NRG3: variants seen among roughly 807,000 people sequenced by gnomAD.
The protein encoded by NRG3 is neuregulin 3.
Under a neutral mutation model 66.9 loss-of-function variants are expected in NRG3, and 31 were observed. The observed-to-expected ratio is 0.46, with a 90% CI of 0.35 to 0.63. NRG3 has a LOEUF of 0.63. Ranked by LOEUF, NRG3 falls within the 20% of genes least tolerant of loss-of-function variation. The pLI is 0.00. For synonymous variants in NRG3, 393 were observed against 359.4 expected, an observed-to-expected ratio of 1.09 and a Z score of -1.06; for missense variants, 910 against 878.9, an observed-to-expected ratio of 1.04 and a Z score of -0.45.
At chr10:82,166,909 A>G (rs970162419) in intron 1 of NRG3, 10 of 530,498 alleles carry the variant, frequency 1.9e-5, no homozygotes, top group Admixed American at 1.1e-4. Flanking sequence ...CCTCCTTGGT[A>G]TTTTAAAGAT....
At chr10:82,215,018 T>G (rs1310240676) in intron 1 of NRG3, among the ~76,000 whole-genome samples, 10 of 152,210 alleles carry the variant, frequency 6.6e-5, no homozygotes, top group Admixed American at 6.6e-4. Flanking sequence ...TACTCATATC[T>G]AAAGAAATCC....
At chr10:82,679,968 T>C (rs963660505) in intron 2 of NRG3, among the ~76,000 whole-genome samples, 2 of 152,250 alleles carry the variant, frequency 1.3e-5, no homozygotes, top group Non-Finnish European at 2.9e-5. Flanking sequence ...TATTTTGATA[T>C]GATCATATAG....
At chr10:82,701,167 A>G (rs1591230055) in intron 2 of NRG3, among the ~76,000 whole-genome samples, 1 of 152,264 alleles carries the variant, frequency 6.6e-6, no homozygotes, top group South Asian at 2.1e-4. Flanking sequence ...ACCACTAGAA[A>G]GCAAGCTAGT....
At chr10:82,314,985 T>G (rs773053833) in intron 1 of NRG3, among the ~76,000 whole-genome samples, 2 of 152,150 alleles carry the variant, frequency 1.3e-5, no homozygotes, top group African/African-American at 4.8e-5. Flanking sequence ...TTTGACAATC[T>G]CTAGCTGAAT....
chr10:81,925,591 CT>C (rs1231301330), intron 1 of NRG3, among the ~76,000 whole-genome samples: 1 of 152,062 alleles, frequency 6.6e-6, no homozygotes, highest in Non-Finnish European at 1.5e-5. Flanking sequence ...TAGGGAAATA[CT>C]TTCTTTTGTC....
intron 2 of NRG3, among the ~76,000 whole-genome samples, chr10:82,668,818 A>C (rs935986999): frequency 6.6e-6 from 1 of 152,118 alleles, no homozygotes; most frequent in African/African-American, 2.4e-5. Flanking sequence ...TCACAAGTAG[A>C]AGGAAACGAG....
chr10:82,977,701 T>G (rs1247163530), intron 7 of NRG3, among the ~76,000 whole-genome samples: 1 of 151,974 alleles, frequency 6.6e-6, no homozygotes, highest in African/African-American at 2.4e-5. Flanking sequence ...TAATGTTGGC[T>G]TGAGGAATAT....
intron 1 of NRG3, among the ~76,000 whole-genome samples, chr10:82,286,881 C>T (rs1435668699): frequency 6.6e-6 from 1 of 152,152 alleles, no homozygotes; most frequent in Non-Finnish European, 1.5e-5. Context: ...CCACCGTGCC[C>T]AGTTAGATAT....
At chr10:82,337,525 G>T (rs1564809495) in intron 1 of NRG3, among the ~76,000 whole-genome samples, 3 of 152,130 alleles carry the variant, frequency 2.0e-5, no homozygotes, top group Admixed American at 6.5e-5. Context: ...GGAATTGCTT[G>T]GTCATATGGT....
At chr10:82,484,490 G>A (rs530705702) in intron 2 of NRG3, among the ~76,000 whole-genome samples, 396 of 152,292 alleles carry the variant, frequency 2.6e-3, no homozygotes, top group African/African-American at 8.9e-3. Flanking sequence ...TGTCATTACT[G>A]TTATTGTTTT....
Position 82,843,172 on chromosome 10 carries a change from T to C in NRG3, c.1028-22239T>C, listed in dbSNP as rs374903209. The C allele has an allele frequency of 1.6e-5, 7 of 425,222 alleles. No individual in the cohort carries two copies. The East Asian group carries it at 5.0e-4, about 30-fold the overall frequency. 26.3% of individuals were successfully genotyped at this position (425,222 alleles called of 1,614,324 possible). On this transcript the variant is annotated intron_variant, in intron 3 of 8. Coordinates refer to ENST00000372141, the MANE Select transcript of NRG3 (RefSeq NM_001010848.4). ...CTTATTGCATTAGTAATTGCTATGA[T>C]TTGAATGTTTGTCCCCTCCACAACT...
chr10:82,204,801 A>G (rs536044347), intron 1 of NRG3, among the ~76,000 whole-genome samples: 6 of 152,326 alleles, frequency 3.9e-5, no homozygotes, highest in Admixed American at 1.3e-4. Context: ...TTCTCAAAAC[A>G]GTGAAGTGGC....
intron 1 of NRG3, among the ~76,000 whole-genome samples, chr10:82,020,153 GTTTA>G (rs2061995127): frequency 6.6e-6 from 1 of 152,044 alleles, no homozygotes. Flanking sequence ...AAAATGCCAG[GTTTA>G]TAGGAAAAAG....
chr10:82,891,773 G>T lies in NRG3; in HGVS notation c.1054+26336G>T, dbSNP rs557935970. On this transcript the variant is annotated intron_variant, in intron 4 of 8. Transcript: ENST00000372141. ...TTTAAATATTTTATTTTTTCTTAAT[G>T]TCTCTCTGTCTGGGTAGACCATCTT... 8.6e-5 allele frequency among the ~76,000 whole-genome samples: 13 copies of T among 151,604 alleles called. 1 individual carries two copies. Among genetic ancestry groups the T allele is most frequent in the Middle Eastern group, 3.8e-3 (1 of 264 alleles).
At chr10:82,863,766 T>C (rs1431080184) in intron 3 of NRG3, among the ~76,000 whole-genome samples, 1 of 152,180 alleles carries the variant, frequency 6.6e-6, no homozygotes, top group African/African-American at 2.4e-5. Flanking sequence ...TATGGGTCCA[T>C]GGCCTCTTCA....
chr10:82,514,973 T>A (rs1455112995), intron 2 of NRG3, among the ~76,000 whole-genome samples: 3 of 152,096 alleles, frequency 2.0e-5, no homozygotes, highest in Non-Finnish European at 4.4e-5. Context: ...CCTAAGGTAA[T>A]GCCAAGTTGT....
At chr10:82,592,605 A>G (rs1022539672) in intron 2 of NRG3, among the ~76,000 whole-genome samples, 1 of 152,178 alleles carries the variant, frequency 6.6e-6, no homozygotes, top group African/African-American at 2.4e-5. Context: ...GCTCATGTTT[A>G]TAAGATCATT....
chr10:82,199,208 A>G (rs2074634677), intron 1 of NRG3, among the ~76,000 whole-genome samples: 2 of 151,658 alleles, frequency 1.3e-5, no homozygotes, highest in Admixed American at 1.3e-4. Context: ...AAAATAACTC[A>G]AGTAACAATA....
In NRG3 at chr10:82,380,832, C is replaced by T. The variant is rs567533169; in HGVS notation, c.953+21964C>T. On this transcript the variant is annotated intron_variant, in intron 2 of 8. Transcript: ENST00000372141. ...AGAGAAATTCTTAATATTAACACTC[C>T]AGAAGACATGGACAAGAATTCCTAG... is the stretch of plus-strand genomic sequence containing the variant. Among the ~76,000 whole-genome samples the T allele has an allele frequency of 3.9e-5, 6 of 152,162 alleles. No homozygotes were observed. In the South Asian group the frequency reaches 1.2e-3, roughly 32 times the overall value.
Sources: allele counts gnomAD v4.1 joint callset (sites outside exome capture counted in the v4.1 genomes callset), GRCh38; gene constraint gnomAD v4.1.1; transcripts MANE v1.5; gene names NCBI Gene and HGNC (gene_info 2026-07-23, HGNC 2026-07-21).